The following CDYL variants were observed in gnomAD, a reference collection of about 807,000 sequenced individuals.
CDYL encodes chromodomain Y-like protein.
Under a neutral mutation model 47.3 loss-of-function variants are expected in CDYL, and 8 were observed. The ratio of observed to expected loss-of-function variants is 0.17; its 90% CI spans 0.10 to 0.31. The LOEUF is 0.31. CDYL is among the 10% of genes least tolerant of loss of function. CDYL has a pLI of 1.00. For synonymous variants in CDYL, 266 were observed against 265.0 expected (o/e 1.00, Z -0.04); for missense variants, 471 against 701.4 (o/e 0.67, Z 3.71).
intron 1 of CDYL, among the ~76,000 whole-genome samples, chr6:4,856,772 G>C (rs940919054): frequency 6.6e-6 from 1 of 152,214 alleles, no homozygotes; most frequent in Admixed American, 6.5e-5. Flanking sequence ...ATCTCAACTT[G>C]GGGCAGGTAG....
chr6:4,940,728 A>C (rs1758338441), intron 4 of CDYL, among the ~76,000 whole-genome samples: 1 of 152,258 alleles, frequency 6.6e-6, no homozygotes, highest in African/African-American at 2.4e-5. Flanking sequence ...TTCTCTCCCC[A>C]AAAGTGAGGT....
At chr6:4,815,972 G>GTT (rs66530204) in intron 1 of CDYL, among the ~76,000 whole-genome samples, 9,690 of 140,368 alleles carry the variant, frequency 0.069, 370 homozygotes, top group South Asian at 0.15. Flanking sequence ...ATTTTTATAG[G>GTT]TTTTTTTTTT....
chr6:4,741,257 C>A (rs1324800842), intron 3 of CDYL, among the ~76,000 whole-genome samples: 2 of 152,120 alleles, frequency 1.3e-5, no homozygotes, highest in Non-Finnish European at 2.9e-5. Context: ...GATCCATGGA[C>A]CAGATGTCAA....
At chr6:4,927,969 C>T (rs1057170507) in intron 2 of CDYL, among the ~76,000 whole-genome samples, 8 of 152,052 alleles carry the variant, frequency 5.3e-5, no homozygotes, top group African/African-American at 1.9e-4. Flanking sequence ...ATGCATGTAT[C>T]CTCATCATAG....
intron 1 of CDYL, among the ~76,000 whole-genome samples, chr6:4,848,757 G>A (rs957839984): frequency 6.6e-6 from 1 of 152,214 alleles, no homozygotes; most frequent in Non-Finnish European, 1.5e-5. Flanking sequence ...ATTGAGGGTC[G>A]TGGGCCTTAA....
At chr6:4,759,411 A>T (rs114475794) in intron 3 of CDYL, among the ~76,000 whole-genome samples, 1,750 of 152,320 alleles carry the variant, frequency 0.011, 28 homozygotes, top group African/African-American at 0.04. Flanking sequence ...CTTATTTAAA[A>T]TCATATAAAA....
chr6:4,781,374 C>G (rs1758615107), intron 1 of CDYL, among the ~76,000 whole-genome samples: 2 of 152,108 alleles, frequency 1.3e-5, no homozygotes. Flanking sequence ...GTTGGCCAAG[C>G]TAGGTCAGCG....
At chr6:4,845,422 C>G (rs1037837855) in intron 1 of CDYL, among the ~76,000 whole-genome samples, 1 of 152,138 alleles carries the variant, frequency 6.6e-6, no homozygotes, top group African/African-American at 2.4e-5. Context: ...GTATTCTTAA[C>G]TTTAGTTTAA....
intron 2 of CDYL, among the ~76,000 whole-genome samples, chr6:4,915,264 C>G (rs567553995): frequency 1.3e-5 from 2 of 152,206 alleles, no homozygotes; most frequent in Admixed American, 1.3e-4. Context: ...AGTTGTCAAA[C>G]CATCTTCCAA....
At chr6:4,942,605 A>C (rs898794641) in intron 4 of CDYL, among the ~76,000 whole-genome samples, 1 of 152,232 alleles carries the variant, frequency 6.6e-6, no homozygotes. Flanking sequence ...CACTGTGTGA[A>C]ATCATAACAA....
chr6:4,946,185 A>G (rs1758511430), intron 5 of CDYL, among the ~76,000 whole-genome samples: 1 of 152,134 alleles, frequency 6.6e-6, no homozygotes, highest in Non-Finnish European at 1.5e-5. Flanking sequence ...ACCACCAGCC[A>G]TCTCTCAAAG....
chr6:4,905,875 T>A (rs569244064), intron 2 of CDYL, among the ~76,000 whole-genome samples: 2 of 152,332 alleles, frequency 1.3e-5, no homozygotes, highest in African/African-American at 4.8e-5. Context: ...AAGTCAGGGC[T>A]TTTAGGGGAT....
intron 1 of CDYL, chr6:4,714,402 G>C (rs994212178): frequency 6.6e-6 from 1 of 152,158 alleles, no homozygotes; most frequent in Non-Finnish European, 1.5e-5. Context: ...AAACAAGAAT[G>C]ATTCTAGATG....
At chr6:4,725,644 C>T (rs1347305215) in intron 2 of CDYL, among the ~76,000 whole-genome samples, 1 of 152,244 alleles carries the variant, frequency 6.6e-6, no homozygotes, top group Non-Finnish European at 1.5e-5. Context: ...CTCGCACTGG[C>T]CTGCAAGCAC....
At chr6:4,783,056 A>G (rs1355644753) in intron 1 of CDYL, among the ~76,000 whole-genome samples, 1 of 152,160 alleles carries the variant, frequency 6.6e-6, no homozygotes, top group East Asian at 1.9e-4. Flanking sequence ...CTTATTGCCC[A>G]TGAAAAAATC....
intron 1 of CDYL, among the ~76,000 whole-genome samples, chr6:4,853,496 CTTCTCA>C: frequency 6.6e-6 from 1 of 152,210 alleles, no homozygotes; most frequent in South Asian, 2.1e-4. Context: ...CCTCCTTCTC[CTTCTCA>C]TTCCCCTCCT....
At chr6:4,856,101 T>C (rs1342027485) in intron 1 of CDYL, among the ~76,000 whole-genome samples, 1 of 152,210 alleles carries the variant, frequency 6.6e-6, no homozygotes, top group African/African-American at 2.4e-5. Context: ...GCCTCCTTTG[T>C]GGTCACAGCA....
intron 4 of CDYL, among the ~76,000 whole-genome samples, chr6:4,940,648 A>G (rs1291222900): frequency 6.6e-6 from 1 of 152,254 alleles, no homozygotes; most frequent in African/African-American, 2.4e-5. Flanking sequence ...TTTCAAGTTC[A>G]TGGACAGCAT....
Position 4,891,824 on chromosome 6 carries a change from G to A in CDYL, c.136G>A (p.Val46Met), listed in dbSNP as rs145622412. Residue 46 changes from valine to methionine, a missense_variant, in exon 2 of 7, where the codon GTG (valine) becomes ATG (methionine). Val to Met is a conservative substitution (Grantham distance 21). This residue lies in a region of CDYL where 311 missense variants were observed against 350.0 expected (regional missense o/e 0.89). Coordinates refer to ENST00000397588, the MANE Select transcript of CDYL (RefSeq NM_004824.4). ...CACTTGGGAGCCGGAACAGCACCTC[G>A]TGAACTGTGAGGAATACATCCACGA... ...DDTWEPEQHLVNCEEYIHDFN... is the reference protein window; with the variant it reads ...DDTWEPEQHLMNCEEYIHDFN... 3.1e-6 allele frequency: 5 copies of A among 1,614,160 alleles called. No individual in the cohort carries two copies. Among genetic ancestry groups the A allele is most frequent in the African/African-American group, 1.3e-5 (1 of 75,028 alleles).
Sources: gnomAD v4.1 joint callset for allele counts (sites outside exome capture counted in the v4.1 genomes callset) on GRCh38, gnomAD v4.1.1 for gene constraint, gnomAD v4.1.1 regional missense constraint, MANE v1.5 for transcripts, NCBI Gene and HGNC (gene_info 2026-07-23, HGNC 2026-07-21) for gene names.